The following ARID2 variants were observed in gnomAD, a reference collection of about 807,000 sequenced individuals.
ARID2 encodes the protein AT-rich interactive domain-containing protein 2.
In ARID2, 32 loss-of-function variants were observed where a neutral mutation model predicts 184.6. The observed-to-expected ratio is 0.17, with a 90% CI of 0.13 to 0.23. The LOEUF (loss-of-function observed/expected upper bound fraction) is 0.23. Ranked by LOEUF, ARID2 falls within the 10% of genes least tolerant of loss-of-function variation. The probability of loss-of-function intolerance (pLI) is 1.00; values close to 1 mark genes in which losing one functional copy is unlikely to be tolerated. For missense variants in ARID2, 1,696 were observed against 2,197.6 expected, an observed-to-expected ratio of 0.77 and a Z score of 4.56; for synonymous variants, 836 against 772.6, an observed-to-expected ratio of 1.08 and a Z score of -1.36.
rs375197813 is a variant in ARID2, at chr12:45,766,579, T to A, written c.284+35265T>A. Among the ~76,000 whole-genome samples, 26 of 151,190 alleles carry A rather than the reference T, an allele frequency of 1.7e-4. No homozygotes were observed. In the South Asian group the frequency reaches 5.5e-3, roughly 32 times the overall value. ...CCCTGGCTGGAGTGCAGTGGCGCAA[T>A]CTTGGCTCACTGCAAGCTCCGCCTC... On this transcript the variant is annotated intron_variant, in intron 3 of 20. Transcript: ENST00000334344.
intron 11 of ARID2, among the ~76,000 whole-genome samples, chr12:45,844,184 C>A (rs1241743806): frequency 3.9e-5 from 6 of 152,042 alleles, no homozygotes; most frequent in Non-Finnish European, 7.4e-5. Context: ...ACTACAAGTA[C>A]ATGCCACCAA....
chr12:45,814,692 T>C (rs548645757), intron 4 of ARID2, among the ~76,000 whole-genome samples: 16 of 152,308 alleles, frequency 1.1e-4, no homozygotes, highest in African/African-American at 3.6e-4. Context: ...TATAAAATTA[T>C]AGCTACTCAA....
At chr12:45,858,000 T>G (rs1054149384) in intron 15 of ARID2, among the ~76,000 whole-genome samples, 2 of 152,238 alleles carry the variant, frequency 1.3e-5, no homozygotes, top group Non-Finnish European at 2.9e-5. Flanking sequence ...GCTCAAGTGA[T>G]CCTTCTGCCT....
At chr12:45,752,956 T>G (rs553930847) in intron 3 of ARID2, among the ~76,000 whole-genome samples, 21 of 152,306 alleles carry the variant, frequency 1.4e-4, no homozygotes, top group Non-Finnish European at 2.8e-4. Context: ...TTTATTAAAT[T>G]TGTTCATTAA....
chr12:45,730,599 C>T (rs1358649715), intron 2 of ARID2, among the ~76,000 whole-genome samples: 1 of 152,178 alleles, frequency 6.6e-6, no homozygotes, highest in Non-Finnish European at 1.5e-5. Flanking sequence ...TTAGCGCGGG[C>T]AGGTTTAACA....
At chr12:45,795,201 C>G (rs1219654254) in intron 3 of ARID2, among the ~76,000 whole-genome samples, 1 of 152,088 alleles carries the variant, frequency 6.6e-6, no homozygotes, top group Non-Finnish European at 1.5e-5. Flanking sequence ...CTTTTGCACC[C>G]TCCATGTGCC....
chr12:45,896,022 A>G (rs912737029), intron 20 of ARID2, among the ~76,000 whole-genome samples: 3 of 152,226 alleles, frequency 2.0e-5, no homozygotes, highest in Admixed American at 1.3e-4. Context: ...AGTACTACCA[A>G]AGTATTCTAC....
chr12:45,847,495 C>T (rs920555461), intron 12 of ARID2, among the ~76,000 whole-genome samples: 1 of 151,976 alleles, frequency 6.6e-6, no homozygotes, highest in Non-Finnish European at 1.5e-5. Context: ...ATCTGCACCA[C>T]TTTCTGAAAA....
intron 11 of ARID2, chr12:45,842,374 TATA>T: frequency 6.6e-6 from 1 of 151,902 alleles, no homozygotes; most frequent in Admixed American, 6.6e-5. Context: ...CACACACATA[TATA>T]AAACACACAT....
chr12:45,794,688 G>A (rs935876875), intron 3 of ARID2, among the ~76,000 whole-genome samples: 11 of 152,262 alleles, frequency 7.2e-5, no homozygotes, highest in African/African-American at 2.4e-4. Context: ...TTCGTCTTGC[G>A]TACTTTAATT....
At chr12:45,900,786 A>G (rs1314699837) in intron 20 of ARID2, among the ~76,000 whole-genome samples, 1 of 152,202 alleles carries the variant, frequency 6.6e-6, no homozygotes, top group Non-Finnish European at 1.5e-5. Context: ...AACATTCTAG[A>G]TTGAAAAATC....
intron 6 of ARID2, among the ~76,000 whole-genome samples, chr12:45,824,144 T>C (rs1942950888): frequency 6.6e-6 from 1 of 152,106 alleles, no homozygotes; most frequent in Non-Finnish European, 1.5e-5. Context: ...ATGTGATACA[T>C]CACATCAACA....
At chr12:45,886,141 A>G (rs1166363050) in intron 16 of ARID2, among the ~76,000 whole-genome samples, 1 of 152,176 alleles carries the variant, frequency 6.6e-6, no homozygotes, top group Non-Finnish European at 1.5e-5. Flanking sequence ...TACTTCCTAG[A>G]TACAGTGGGA....
intron 16 of ARID2, among the ~76,000 whole-genome samples, chr12:45,890,994 G>T (rs1338780169): frequency 1.3e-5 from 2 of 151,844 alleles, no homozygotes; most frequent in Non-Finnish European, 2.9e-5. Context: ...GTGAAACCCC[G>T]TCTCTACTAA....
chr12:45,773,853 A>G (rs1941925916), intron 3 of ARID2, among the ~76,000 whole-genome samples: 1 of 152,184 alleles, frequency 6.6e-6, no homozygotes, highest in African/African-American at 2.4e-5. Flanking sequence ...CAACTTTTGC[A>G]AGAAATAGAC....
intron 3 of ARID2, 115 bp downstream of exon 3, chr12:45,731,429 C>T: frequency 1.5e-6 from 1 of 685,568 alleles, no homozygotes; most frequent in Admixed American, 2.5e-5. Flanking sequence ...AGCTCTTGTT[C>T]ATTTCAGACT....
Position 45,851,265 on chromosome 12 carries a change from G to A in ARID2, c.3142G>A (p.Gly1048Arg), listed in dbSNP as rs2138169526. Residue 1048 changes from glycine to arginine, a missense_variant, in exon 15 of 21, where the codon GGA becomes AGA. Coordinates refer to ENST00000334344, the MANE Select transcript of ARID2 (RefSeq NM_152641.4). ...AGTTCAACCTCAACAGTCGAATGCA[G>A]GAGTTGGTCAGCCTGCCTCTGGTGA... ...MQVQPQQSNAGVGQPASGESS... is the reference protein window; with the variant it reads ...MQVQPQQSNARVGQPASGESS... 2 of 1,614,210 alleles carry A rather than the reference G, an allele frequency of 1.2e-6. No individual in the cohort carries two copies. Among genetic ancestry groups the A allele is most frequent in the Non-Finnish European group, 1.7e-6 (2 of 1,180,036 alleles).
Position 45,852,575 on chromosome 12 carries a change from A to G in ARID2, c.4452A>G (p.Ile1484Met), listed in dbSNP as rs2138179826. ...CTGTTATACAGGGACATCAAATCATAGCAGTTCCCGACTCAGGATCAAAAG... is the reference window on the plus strand; with the variant it reads ...CTGTTATACAGGGACATCAAATCATGGCAGTTCCCGACTCAGGATCAAAAG... ...TTSVIQGHQIIAVPDSGSKVS... is the reference protein window; with the variant it reads ...TTSVIQGHQIMAVPDSGSKVS... Residue 1484 changes from isoleucine to methionine, a missense_variant, in exon 15 of 21, where the codon ATA becomes ATG. Ile to Met is a conservative substitution (Grantham distance 10, BLOSUM62 1). Transcript: ENST00000334344. 2.5e-6 allele frequency: 4 copies of G among 1,614,208 alleles called. No individual in the cohort carries two copies. The highest frequency in any genetic ancestry group is 3.4e-6 in the Non-Finnish European group (4 of 1,180,022).
At chr12:45,734,562 A>G (rs1305596001) in intron 3 of ARID2, among the ~76,000 whole-genome samples, 1 of 151,210 alleles carries the variant, frequency 6.6e-6, no homozygotes, top group East Asian at 1.9e-4. Flanking sequence ...GTAGATGGAG[A>G]TATTAAAGTG....
Sources: allele counts gnomAD v4.1 joint callset (sites outside exome capture counted in the v4.1 genomes callset), GRCh38; gene constraint gnomAD v4.1.1; transcripts MANE v1.5; gene names NCBI Gene and HGNC (gene_info 2026-07-23, HGNC 2026-07-21).